ZDHHC20: variants seen among roughly 807,000 people sequenced by gnomAD.
ZDHHC20 encodes the protein palmitoyltransferase ZDHHC20.
In ZDHHC20, 43 loss-of-function variants were observed where a neutral mutation model predicts 57.8. That is an observed-to-expected ratio of 0.74 (90% CI 0.58 to 0.96). The LOEUF is 0.96. Ranked by LOEUF, ZDHHC20 falls within the 40% of genes least tolerant of loss-of-function variation. The pLI is 0.00. For synonymous variants in ZDHHC20, 157 were observed against 153.0 expected, an observed-to-expected ratio of 1.03 and a Z score of -0.19; for missense variants, 391 against 441.1, an observed-to-expected ratio of 0.89 and a Z score of 1.02.
Position 21,413,790 on chromosome 13 carries a change from A to G in ZDHHC20, c.250-18T>C, listed in dbSNP as rs1444957080. 2 of 1,588,922 alleles carry G rather than the reference A, an allele frequency of 1.3e-6. No individual in the cohort carries two copies. Among genetic ancestry groups the G allele is most frequent in the Admixed American group, 3.7e-5 (2 of 54,082 alleles). ...AAGTAGAACTATAAAAGGAAAGAGGACTATTAAATTTTTTTAATCCCATGA... is the reference window on the plus strand; with the variant it reads ...AAGTAGAACTATAAAAGGAAAGAGGGCTATTAAATTTTTTTAATCCCATGA... On this transcript the variant is annotated intron_variant, in intron 3 of 12. Transcript: ENST00000400590.
intron 11 of ZDHHC20, among the ~76,000 whole-genome samples, chr13:21,380,961 A>G (rs1213277302): frequency 3.3e-5 from 5 of 151,870 alleles, no homozygotes; most frequent in Non-Finnish European, 7.4e-5. Context: ...AGAAGCTACT[A>G]AGAAACACAA....
intron 2 of ZDHHC20, among the ~76,000 whole-genome samples, chr13:21,422,201 C>T (rs757196945): frequency 2.7e-5 from 4 of 150,754 alleles, no homozygotes; most frequent in Non-Finnish European, 4.4e-5. Context: ...CCTTTTTGTG[C>T]ATTCCCTTTA....
intron 1 of ZDHHC20, among the ~76,000 whole-genome samples, chr13:21,438,877 C>T (rs1237919742): frequency 6.6e-6 from 1 of 152,212 alleles, no homozygotes; most frequent in East Asian, 1.9e-4. Context: ...AGTCAGCAGC[C>T]ATCATCATCG....
intron 4 of ZDHHC20, among the ~76,000 whole-genome samples, chr13:21,410,850 C>T (rs973665023): frequency 6.6e-6 from 1 of 152,164 alleles, no homozygotes; most frequent in Non-Finnish European, 1.5e-5. Flanking sequence ...AGCTTCAACC[C>T]CCTTTCCAGG....
Position 21,387,574 on chromosome 13 carries a change from C to A in ZDHHC20, c.788G>T (p.Cys263Phe). 1 of 1,522,326 alleles carries A rather than the reference C, an allele frequency of 6.6e-7. No individual in the cohort carries two copies. The highest frequency in any genetic ancestry group is 2.5e-5 in the East Asian group (1 of 39,922). The allele number at this position is 1,522,326 out of a possible 1,614,324, so 94.3% of individuals were successfully genotyped here. Reference sequence around the variant, plus strand: ...AAAGACTTGTCTCCAATTTTTACTGCATCCAAGAGAGAAACCATTTCCATC... The same window carrying A: ...AAAGACTTGTCTCCAATTTTTACTGAATCCAAGAGAGAAACCATTTCCATC... ...GPDGNGFSLG[C>F]SKNWRQVFGD... Residue 263 changes from cysteine (C) to phenylalanine (F), a missense_variant, in exon 9 of 13, where the codon TGC (cysteine) becomes TTC (phenylalanine). Coordinates refer to ENST00000400590, the MANE Select transcript of ZDHHC20 (RefSeq NM_001330059.2).
intron 1 of ZDHHC20, among the ~76,000 whole-genome samples, chr13:21,458,521 A>G (rs1183212110): frequency 6.6e-6 from 1 of 152,194 alleles, no homozygotes; most frequent in Non-Finnish European, 1.5e-5. Flanking sequence ...CTCGTCCTCC[A>G]GGTCTGACCC....
intron 3 of ZDHHC20, among the ~76,000 whole-genome samples, chr13:21,414,145 T>G (rs924092161): frequency 1.3e-5 from 2 of 152,128 alleles, no homozygotes; most frequent in African/African-American, 4.8e-5. Context: ...GTCCAAAGAT[T>G]TACTTGCTTT....
intron 7 of ZDHHC20, among the ~76,000 whole-genome samples, chr13:21,394,004 G>C (rs1876319080): frequency 6.6e-6 from 1 of 152,226 alleles, no homozygotes; most frequent in Admixed American, 6.5e-5. Context: ...CCGGGATGCT[G>C]CAACAGCCTA....
chr13:21,448,510 G>A, intron 1 of ZDHHC20, among the ~76,000 whole-genome samples: 1 of 100,134 alleles, frequency 1.0e-5, no homozygotes, highest in Non-Finnish European at 2.5e-5. Context: ...CGTCCGGGAG[G>A]TGAGGGGCAC....
At chr13:21,399,800 A>G (rs1300879743) in intron 7 of ZDHHC20, among the ~76,000 whole-genome samples, 6 of 152,110 alleles carry the variant, frequency 3.9e-5, no homozygotes, top group Non-Finnish European at 5.9e-5. Context: ...CACGTTAATA[A>G]AAGATCTCAA....
At chr13:21,441,042 T>C (rs1463346548) in intron 1 of ZDHHC20, among the ~76,000 whole-genome samples, 2 of 152,214 alleles carry the variant, frequency 1.3e-5, no homozygotes, top group African/African-American at 4.8e-5. Context: ...CCCCTACTTA[T>C]TGCTCTTAAT....
At chr13:21,427,834 CAAAAA>C (rs755599024) in intron 1 of ZDHHC20, among the ~76,000 whole-genome samples, 2 of 92,524 alleles carry the variant, frequency 2.2e-5, no homozygotes, top group Admixed American at 1.2e-4. Context: ...GACTCTGTTT[CAAAAA>C]AAAAAAAAAA....
At chr13:21,401,818 T>A in intron 5 of ZDHHC20, 133 bp from the exon 6 acceptor site, 1 of 736,488 alleles carries the variant, frequency 1.4e-6, no homozygotes, top group African/African-American at 1.8e-5. Flanking sequence ...AGAAACTAGG[T>A]TAGAGATAAT....
intron 1 of ZDHHC20, among the ~76,000 whole-genome samples, chr13:21,456,434 A>G (rs1164068868): frequency 1.3e-5 from 2 of 152,178 alleles, no homozygotes; most frequent in Non-Finnish European, 2.9e-5. Flanking sequence ...ATAAATAAAA[A>G]GAATATCCTA....
At chr13:21,435,857 T>C (rs1424926185) in intron 1 of ZDHHC20, among the ~76,000 whole-genome samples, 1 of 152,162 alleles carries the variant, frequency 6.6e-6, no homozygotes, top group East Asian at 1.9e-4. Flanking sequence ...AAGACAGAGT[T>C]TGGGGTGCAA....
At position 21,392,189 on chromosome 13, in the gene ZDHHC20, C is replaced by T. The variant is rs1386239775; in HGVS notation, c.595-335G>A. 5.1e-5 allele frequency among the ~76,000 whole-genome samples: 7 copies of T among 137,116 alleles called. No individual in the cohort carries two copies. In the East Asian group the frequency reaches 1.5e-3, roughly 30 times the overall value. The allele number at this position is 137,116 out of a possible 152,430, so 90.0% of individuals were successfully genotyped here. ...CCTAGGAGTTCTAGGCCATCCTGGG[C>T]AACACAGTGAGACCCTGTCTCATAA... On this transcript the variant is annotated intron_variant, in intron 7 of 12. Transcript: ENST00000400590.
At chr13:21,444,807 G>A (rs1026268795) in intron 1 of ZDHHC20, among the ~76,000 whole-genome samples, 2 of 152,116 alleles carry the variant, frequency 1.3e-5, no homozygotes, top group African/African-American at 4.8e-5. Context: ...TTCAATCCCA[G>A]CACTCTGGGA....
Position 21,373,831 on chromosome 13 carries a change from G to C in ZDHHC20, c.*2865C>G, listed in dbSNP as rs1000005849. The C allele has an allele frequency of 1.3e-5, 2 of 152,204 alleles. No individual in the cohort carries two copies. Among genetic ancestry groups the C allele is most frequent in the African/African-American group, 4.8e-5 (2 of 41,448 alleles). 9.4% of individuals were successfully genotyped at this position (152,204 alleles called of 1,614,324 possible). A position where few individuals can be genotyped will look rare whatever the true frequency, so the allele number is the denominator to read the frequency against. On this transcript the variant is annotated 3_prime_UTR_variant, in exon 13 of 13. Transcript: ENST00000400590. ...TTCCCTGATTCCCACACCACTTGTA[G>C]GCCTTTGCTAGAATGGTCATTAATA...
chr13:21,400,682 T>C (rs574119262), intron 6 of ZDHHC20, among the ~76,000 whole-genome samples, 189 bp from the exon 7 acceptor site: 53 of 152,294 alleles, frequency 3.5e-4, no homozygotes, highest in Admixed American at 2.4e-3. Flanking sequence ...TTGAACATAC[T>C]TAACACTACT....
Sources: gnomAD v4.1 joint callset for allele counts (sites outside exome capture counted in the v4.1 genomes callset) on GRCh38, gnomAD v4.1.1 for gene constraint, MANE v1.5 for transcripts, NCBI Gene and HGNC (gene_info 2026-07-23, HGNC 2026-07-21) for gene names.